Variants in RUNX2 observed in about 807,000 individuals in gnomAD.
The protein encoded by RUNX2 is runt-related transcription factor 2.
In RUNX2, 10 loss-of-function variants were observed where a neutral mutation model predicts 51.7. The observed-to-expected ratio is 0.19, with a 90% CI of 0.12 to 0.33. The LOEUF (loss-of-function observed/expected upper bound fraction) is 0.33. Among genes scored for constraint, RUNX2 ranks in the 10% least tolerant of loss-of-function variants. The probability of loss-of-function intolerance (pLI) is 1.00; values close to 1 mark genes in which losing one functional copy is unlikely to be tolerated. For missense variants in RUNX2, 562 were observed against 691.3 expected, an observed-to-expected ratio of 0.81 and a Z score of 2.10; for synonymous variants, 276 against 273.6, an observed-to-expected ratio of 1.01 and a Z score of -0.09.
At chr6:45,370,805 T>TA (rs1795932337) in intron 2 of RUNX2, among the ~76,000 whole-genome samples, 1 of 152,212 alleles carries the variant, frequency 6.6e-6, no homozygotes, top group South Asian at 2.1e-4. Flanking sequence ...AGCCCAGTGA[T>TA]AGACTGCTCC....
At position 45,481,781 on chromosome 6, in the gene RUNX2, A is replaced by G. The variant is rs73448161; in HGVS notation, c.686-10160A>G. ...GGTATAGGAAAAAGGAGGCTCAGGC[A>G]GTTTAGGGGACTGCCTCCCAGTGTC... is the stretch of plus-strand genomic sequence containing the variant. On this transcript the variant is annotated intron_variant, in intron 5 of 8. Coordinates refer to ENST00000647337, the MANE Select transcript of RUNX2 (RefSeq NM_001024630.4). Among the ~76,000 whole-genome samples the G allele has an allele frequency of 1.3e-3, 196 of 152,288 alleles. 1 individual carries two copies. Among genetic ancestry groups the G allele is most frequent in the African/African-American group, 4.6e-3 (193 of 41,546 alleles).
At chr6:45,406,022 T>C (rs1195994429) in intron 2 of RUNX2, among the ~76,000 whole-genome samples, 1 of 152,182 alleles carries the variant, frequency 6.6e-6, no homozygotes, top group Non-Finnish European at 1.5e-5. Context: ...ACTTAGAAAA[T>C]TCGTTGGTAC....
intron 2 of RUNX2, among the ~76,000 whole-genome samples, chr6:45,375,249 A>T (rs1796617857): frequency 6.6e-6 from 1 of 152,190 alleles, no homozygotes; most frequent in South Asian, 2.1e-4. Flanking sequence ...GTGGTTAATC[A>T]TCCTAAAACT....
At chr6:45,464,702 G>A (rs1037460071) in intron 5 of RUNX2, among the ~76,000 whole-genome samples, 2 of 152,334 alleles carry the variant, frequency 1.3e-5, no homozygotes, top group East Asian at 3.9e-4. Flanking sequence ...TGAGCAGCTA[G>A]GTAGCCTGTT....
intron 2 of RUNX2, among the ~76,000 whole-genome samples, chr6:45,361,084 C>A (rs963610542): frequency 6.6e-6 from 1 of 151,968 alleles, no homozygotes; most frequent in Non-Finnish European, 1.5e-5. Context: ...ACCAGCCTGG[C>A]AACATAGAGA....
chr6:45,441,524 T>A (rs1798842037), intron 5 of RUNX2, among the ~76,000 whole-genome samples: 1 of 152,238 alleles, frequency 6.6e-6, no homozygotes, highest in Non-Finnish European at 1.5e-5. Flanking sequence ...ACAGTGACTG[T>A]CATGTAGTAA....
At chr6:45,453,554 C>T (rs1799234155) in intron 5 of RUNX2, among the ~76,000 whole-genome samples, 1 of 152,186 alleles carries the variant, frequency 6.6e-6, no homozygotes, top group African/African-American at 2.4e-5. Context: ...AACCAGTCTC[C>T]CTTTCCTTAA....
intron 7 of RUNX2, 95 bp downstream of exon 7, chr6:45,512,502 C>T: frequency 1.5e-6 from 2 of 1,363,920 alleles, no homozygotes; most frequent in Non-Finnish European, 2.1e-6. Context: ...CACAGTGACT[C>T]TCTATTAGAG....
intron 3 of RUNX2, among the ~76,000 whole-genome samples, chr6:45,431,477 C>G (rs1178003170): frequency 2.6e-5 from 4 of 152,190 alleles, no homozygotes; most frequent in Non-Finnish European, 5.9e-5. Flanking sequence ...CCTCAGGGCT[C>G]TCCCTGAGAG....
chr6:45,484,174 C>T (rs1800200204), intron 5 of RUNX2, among the ~76,000 whole-genome samples: 1 of 152,128 alleles, frequency 6.6e-6, no homozygotes, highest in South Asian at 2.1e-4. Flanking sequence ...GTTGTATTAG[C>T]CACAGGCCAG....
intron 5 of RUNX2, among the ~76,000 whole-genome samples, chr6:45,468,610 C>T (rs954871778): frequency 7.9e-5 from 12 of 152,076 alleles, no homozygotes; most frequent in African/African-American, 2.9e-4. Flanking sequence ...TCCTAGAAAA[C>T]CCAATGTGTT....
intron 2 of RUNX2, among the ~76,000 whole-genome samples, chr6:45,366,025 G>A (rs1456018340): frequency 6.6e-6 from 1 of 151,766 alleles, no homozygotes; most frequent in African/African-American, 2.4e-5. Flanking sequence ...AAAAAAATTG[G>A]CAAGATTTAG....
rs1340738926 is a variant in RUNX2 at position 45,519,704 on chromosome 6, T to A, written c.1021+7297T>A. Among the ~76,000 whole-genome samples the A allele has an allele frequency of 2.0e-5, 3 of 152,110 alleles. No homozygotes were observed. The East Asian group carries it at 5.8e-4, about 29-fold the overall frequency. ...ACTTGGTAATATGCATTTAAGTTCC[T>A]CCATGTCTTTTCATGGCTTATTAAT... On this transcript the variant is annotated intron_variant, in intron 7 of 8. Coordinates refer to ENST00000647337, the MANE Select transcript of RUNX2 (RefSeq NM_001024630.4).
At chr6:45,402,930 C>A (rs1414051629) in intron 2 of RUNX2, among the ~76,000 whole-genome samples, 1 of 152,062 alleles carries the variant, frequency 6.6e-6, no homozygotes, top group African/African-American at 2.4e-5. Context: ...ATTTAATAGT[C>A]CCTTTTTGGA....
chr6:45,407,158 C>T (rs1335245343), intron 2 of RUNX2, among the ~76,000 whole-genome samples: 1 of 152,100 alleles, frequency 6.6e-6, no homozygotes, highest in Admixed American at 6.5e-5. Context: ...CTCTGGAGTG[C>T]AGTAGTGCAA....
At chr6:45,526,858 A>T (rs1416689870) in intron 7 of RUNX2, among the ~76,000 whole-genome samples, 1 of 152,198 alleles carries the variant, frequency 6.6e-6, no homozygotes, top group Admixed American at 6.5e-5. Context: ...ATATAATCTA[A>T]TAATAATAAT....
intron 2 of RUNX2, among the ~76,000 whole-genome samples, chr6:45,373,469 GT>G (rs1380427795): frequency 6.6e-6 from 1 of 152,164 alleles, no homozygotes; most frequent in Non-Finnish European, 1.5e-5. Context: ...CTTAGCAGTA[GT>G]ATGGGGTTGT....
chr6:45,465,940 C>T (rs181960444), intron 5 of RUNX2, among the ~76,000 whole-genome samples: 1 of 152,196 alleles, frequency 6.6e-6, no homozygotes, highest in East Asian at 1.9e-4. Flanking sequence ...GCGACTGTAC[C>T]CCGCCCTACT....
chr6:45,466,713 T>C (rs1316966354), intron 5 of RUNX2, among the ~76,000 whole-genome samples: 4 of 152,250 alleles, frequency 2.6e-5, no homozygotes, highest in Non-Finnish European at 5.9e-5. Flanking sequence ...CCTGGAGAGA[T>C]AAATCCTATT....
Sources: gnomAD v4.1 joint callset for allele counts (sites outside exome capture counted in the v4.1 genomes callset) on GRCh38, gnomAD v4.1.1 for gene constraint, MANE v1.5 for transcripts, NCBI Gene and HGNC (gene_info 2026-07-23, HGNC 2026-07-21) for gene names.